Variants in LRRD1 observed in about 807,000 individuals in gnomAD.
LRRD1 encodes the protein leucine-rich repeat and death domain-containing protein 1.
In LRRD1, 49 loss-of-function variants were observed where a neutral mutation model predicts 69.5. The observed-to-expected ratio is 0.70, with a 90% confidence interval of 0.56 to 0.89. The LOEUF (loss-of-function observed/expected upper bound fraction) is 0.89, where lower values mean the gene tolerates loss of function less well. Among genes scored for constraint, LRRD1 ranks in the 40% least tolerant of loss-of-function variants. The pLI is 0.00. For synonymous variants in LRRD1, 303 were observed against 338.9 expected, an observed-to-expected ratio of 0.89 and a Z score of 1.16; for missense variants, 853 against 956.0, an observed-to-expected ratio of 0.89 and a Z score of 1.42.
intron 1 of LRRD1, among the ~76,000 whole-genome samples, chr7:92,176,212 C>T (rs1318998866): frequency 1.3e-5 from 2 of 152,104 alleles, no homozygotes; most frequent in African/African-American, 2.4e-5. Context: ...TTGAGTCTTC[C>T]TATTTAATAA....
chr7:92,167,240 C>T (rs554378714), intron 1 of LRRD1, among the ~76,000 whole-genome samples: 57 of 151,798 alleles, frequency 3.8e-4, no homozygotes, highest in Admixed American at 1.2e-3. Context: ...GGACTACAGG[C>T]GCACGCCACC....
intron 3 of LRRD1, among the ~76,000 whole-genome samples, chr7:92,155,747 A>G (rs1295450584): frequency 6.6e-6 from 1 of 152,236 alleles, no homozygotes; most frequent in Non-Finnish European, 1.5e-5. Flanking sequence ...AGGGAAGCCA[A>G]TAGTGCAGCC....
At chr7:92,173,077 AAGAACAT>A (rs1372119411) in intron 1 of LRRD1, among the ~76,000 whole-genome samples, 1 of 152,208 alleles carries the variant, frequency 6.6e-6, no homozygotes, top group Admixed American at 6.5e-5. Context: ...CAATAGCACC[AAGAACAT>A]ACAATGGGGA....
At chr7:92,171,624 A>G (rs1170590737) in intron 1 of LRRD1, among the ~76,000 whole-genome samples, 1 of 152,222 alleles carries the variant, frequency 6.6e-6, no homozygotes, top group Non-Finnish European at 1.5e-5. Flanking sequence ...AATTATACTC[A>G]AACTCCTCAA....
Position 92,150,615 on chromosome 7 carries a change from G to C in LRRD1, c.2197C>G (p.Leu733Val). The part of the protein sequence containing the change: ...KEINFDDNPL[L>V]RPPVEICKGK... ...TTACAGATTTCCACTGGAGGTCTCA[G>C]CAAAGGGTTGTCATCAAAATTTATC... Residue 733 changes from leucine (L) to valine (V), a missense_variant, in exon 4 of 6, where the codon CTG (leucine) becomes GTG (valine). Coordinates refer to ENST00000458448, the MANE Select transcript of LRRD1 (RefSeq NM_001161528.2). The C allele has an allele frequency of 6.4e-7, 1 of 1,551,188 alleles. No homozygotes were observed. Among genetic ancestry groups the C allele is most frequent in the Non-Finnish European group, 8.7e-7 (1 of 1,146,548 alleles).
chr7:92,144,323 A>T (rs1820256823), downstream of LRRD1, among the ~76,000 whole-genome samples: 1 of 152,196 alleles, frequency 6.6e-6, no homozygotes, highest in African/African-American at 2.4e-5. Flanking sequence ...ATATAACAGA[A>T]AAATTTTAAT....
intron 2 of LRRD1, 52 bp from the exon 3 acceptor site, chr7:92,159,255 T>C: frequency 4.5e-6 from 5 of 1,121,756 alleles, no homozygotes; most frequent in South Asian, 4.2e-5. Context: ...CATATTTGCA[T>C]GACTAAAACT....
intron 1 of LRRD1, among the ~76,000 whole-genome samples, chr7:92,176,565 ATTTT>A (rs71107853): frequency 2.1e-5 from 3 of 143,470 alleles, no homozygotes; most frequent in African/African-American, 7.7e-5. Flanking sequence ...AGATTCTCTC[ATTTT>A]TTTTTTTTTT....
intron 3 of LRRD1, among the ~76,000 whole-genome samples, chr7:92,153,372 C>A (rs1209479133): frequency 6.6e-6 from 1 of 151,946 alleles, no homozygotes; most frequent in African/African-American, 2.4e-5. Flanking sequence ...GCCTCTTATG[C>A]TTATTTTTCA....
At chr7:92,151,756 C>T (rs1285364184) in intron 3 of LRRD1, among the ~76,000 whole-genome samples, 1 of 152,030 alleles carries the variant, frequency 6.6e-6, no homozygotes, top group African/African-American at 2.4e-5. Context: ...CAAGACCAGC[C>T]TGGCCAACAT....
Position 92,175,419 on chromosome 7 carries a change from A to G in LRRD1, c.-75+3588T>C, listed in dbSNP as rs371990543. ...TCCCAGCACTTAGGGAGGCCAGGGC[A>G]GTTGGATCACCCGAGGTCAGGAGTT... On this transcript the variant is annotated intron_variant, in intron 1 of 5. Transcript: ENST00000458448. Among the ~76,000 whole-genome samples the G allele has an allele frequency of 1.9e-3, 290 of 152,192 alleles. 3 individuals carry two copies. Among genetic ancestry groups the G allele is most frequent in the African/African-American group, 6.4e-3 (267 of 41,528 alleles).
chr7:92,154,342 T>C (rs1374317525), intron 3 of LRRD1, among the ~76,000 whole-genome samples: 1 of 152,052 alleles, frequency 6.6e-6, no homozygotes, highest in Non-Finnish European at 1.5e-5. Context: ...TGGGTTCAAG[T>C]GATCCTCCCA....
downstream of LRRD1, chr7:92,141,702 A>T (rs1199977562): frequency 6.6e-6 from 1 of 152,200 alleles, no homozygotes; most frequent in African/African-American, 2.4e-5. Context: ...AGTGGAAAAC[A>T]TTAACAACAA....
downstream of LRRD1, among the ~76,000 whole-genome samples, chr7:92,143,841 G>A (rs961257754): frequency 5.9e-5 from 9 of 152,268 alleles, no homozygotes; most frequent in Non-Finnish European, 8.8e-5. Context: ...AGGAGGCGCC[G>A]AGAGCGAGCG....
At chr7:92,149,921 T>C (rs1248086435) in intron 4 of LRRD1, 1 of 456,730 alleles carries the variant, frequency 2.2e-6, no homozygotes, top group Non-Finnish European at 4.4e-6. Flanking sequence ...GTGTGGATTT[T>C]GAGTCTGGCC....
intron 2 of LRRD1, 103 bp from the exon 3 acceptor site, chr7:92,159,306 T>A: frequency 1.1e-6 from 1 of 884,170 alleles, no homozygotes; most frequent in Non-Finnish European, 1.6e-6. Context: ...TGTTTTTGTT[T>A]TTGTCTTAAA....
intron 1 of LRRD1, among the ~76,000 whole-genome samples, chr7:92,165,861 CAAAAAAAAA>C (rs750215030): frequency 4.8e-5 from 2 of 41,710 alleles, no homozygotes; most frequent in Admixed American, 2.6e-4. Flanking sequence ...AACTCCATCT[CAAAAAAAAA>C]AAAAAAAAAA....
At chr7:92,157,029 CTTTTTT>C (rs34543093) in intron 3 of LRRD1, among the ~76,000 whole-genome samples, 2 of 111,810 alleles carry the variant, frequency 1.8e-5, no homozygotes, top group Non-Finnish European at 3.6e-5. Flanking sequence ...ATGATATTTG[CTTTTTT>C]TTTTTTTTTT....
At chr7:92,142,418 A>G (rs773864892), downstream of LRRD1, 4 of 456,462 alleles carry the variant, frequency 8.8e-6, no homozygotes, top group East Asian at 6.9e-5. Flanking sequence ...GCAGACTACT[A>G]CACACTGTGC....
Sources: gnomAD v4.1 joint callset for allele counts (sites outside exome capture counted in the v4.1 genomes callset) on GRCh38, gnomAD v4.1.1 for gene constraint, MANE v1.5 for transcripts, NCBI Gene and HGNC (gene_info 2026-07-23, HGNC 2026-07-21) for gene names.